The following CELF2 variants were observed in gnomAD, a reference collection of about 807,000 sequenced individuals.
The protein encoded by CELF2 is CUG triplet repeat RNA-binding protein 2.
A neutral mutation model predicts 62.6 loss-of-function variants in CELF2; 8 were observed. The observed-to-expected ratio is 0.13, with a 90% confidence interval of 0.07 to 0.23. The LOEUF is 0.23. Ranked by LOEUF, CELF2 falls within the 10% of genes least tolerant of loss-of-function variation. The pLI is 1.00. For missense variants in CELF2, 333 were observed against 671.0 expected (o/e 0.50, Z 5.56); for synonymous variants, 258 against 250.0 (o/e 1.03, Z -0.30).
At chr10:11,257,057 A>C (rs1256457551) in intron 4 of CELF2, among the ~76,000 whole-genome samples, 1 of 152,030 alleles carries the variant, frequency 6.6e-6, no homozygotes, top group Non-Finnish European at 1.5e-5. Context: ...GCGGTAACTA[A>C]CCTGGCTGCT....
chr10:10,919,957 C>T (rs1224589073), intron 1 of CELF2: 2 of 1,231,166 alleles, frequency 1.6e-6, no homozygotes, highest in East Asian at 6.3e-5. Context: ...TTTTCTCCTT[C>T]CTGCAGAGAG....
chr10:10,961,882 T>G (rs2049542909), intron 2 of CELF2, among the ~76,000 whole-genome samples: 1 of 152,186 alleles, frequency 6.6e-6, no homozygotes, highest in Non-Finnish European at 1.5e-5. Flanking sequence ...AGATCTTTTT[T>G]TCCCACCTAA....
At chr10:11,272,715 C>T (rs912912534) in intron 7 of CELF2, among the ~76,000 whole-genome samples, 4 of 152,226 alleles carry the variant, frequency 2.6e-5, no homozygotes, top group Non-Finnish European at 5.9e-5. Context: ...TTGTCCTACT[C>T]CCTTTCAGCT....
At chr10:10,796,976 G>A (rs879277280), upstream of CELF2, 62 of 743,778 alleles carry the variant, frequency 8.3e-5, no homozygotes, top group Middle Eastern at 1.4e-3. Context: ...AGCCATTAGG[G>A]AAAGTATCCA....
chr10:10,808,178 TGA>T (rs2055438801), intron 1 of CELF2, among the ~76,000 whole-genome samples: 1 of 152,222 alleles, frequency 6.6e-6, no homozygotes, highest in Admixed American at 6.5e-5. Context: ...GCTGGAATTA[TGA>T]CTGACGACAT....
At position 10,872,148 on chromosome 10, in the gene CELF2, A is replaced by G. The variant is rs147136954; in HGVS notation, c.54-47816A>G. Among the ~76,000 whole-genome samples the G allele has an allele frequency of 4.3e-4, 66 of 152,184 alleles. No individual in the cohort carries two copies. In the East Asian group the frequency reaches 0.012, roughly 27 times the overall value. On this transcript the variant is annotated intron_variant, in intron 1 of 13. Transcript: ENST00000636488. ...TTCCCCATGTGGGTATTTGCAAACT[A>G]TGTAGACTATGGTTGGAATCTTTTT...
At chr10:10,815,533 C>A (rs543160282) in intron 1 of CELF2, among the ~76,000 whole-genome samples, 50 of 152,254 alleles carry the variant, frequency 3.3e-4, no homozygotes, top group African/African-American at 9.6e-4. Context: ...AGAAGACAGG[C>A]AGCAAATGTG....
At chr10:10,748,918 A>T in the CELF2 span, among the ~76,000 whole-genome samples, 1 of 152,160 alleles carries the variant, frequency 6.6e-6, no homozygotes, top group East Asian at 1.9e-4. Flanking sequence ...TAAAGGAAGC[A>T]ATAGGGTTTG....
At chr10:11,130,292 C>T (rs572430743) in intron 1 of CELF2, among the ~76,000 whole-genome samples, 2 of 152,148 alleles carry the variant, frequency 1.3e-5, no homozygotes, top group Non-Finnish European at 2.9e-5. Flanking sequence ...TTACTTTGTG[C>T]CAGCATTGTT....
At position 11,038,847 on chromosome 10, in the gene CELF2, C is replaced by T. The variant is rs1201999430; in HGVS notation, c.74+20684C>T. ...ACTGTGATAATTATTTTAAGTTATA[C>T]TGATTGGATTCATGTTTATTAAAAC... On this transcript the variant is annotated intron_variant, in intron 1 of 12. Coordinates refer to ENST00000633077, the MANE Select transcript of CELF2 (RefSeq NM_001326342.2). Among the ~76,000 whole-genome samples, 5 of 152,276 alleles carry T rather than the reference C, an allele frequency of 3.3e-5. No homozygotes were observed. In the East Asian group the frequency reaches 9.6e-4, roughly 29 times the overall value.
At chr10:10,693,602 G>A in the CELF2 span, among the ~76,000 whole-genome samples, 1 of 150,784 alleles carries the variant, frequency 6.6e-6, no homozygotes, top group East Asian at 1.9e-4. Context: ...GTTCCTCCTT[G>A]TACCTCTGGT....
the CELF2 span, among the ~76,000 whole-genome samples, chr10:10,756,719 C>T: frequency 6.6e-6 from 1 of 152,016 alleles, no homozygotes; most frequent in Admixed American, 6.6e-5. Context: ...TCACTCTATT[C>T]CATTCATTTG....
chr10:11,030,867 T>C (rs1366526054), intron 1 of CELF2: 1 of 152,222 alleles, frequency 6.6e-6, no homozygotes, highest in Non-Finnish European at 1.5e-5. Flanking sequence ...GTAAGAGACA[T>C]GTCAGTGGAT....
the CELF2 span, among the ~76,000 whole-genome samples, chr10:10,653,313 C>G: frequency 0.15 from 23,053 of 149,194 alleles, 1,911 homozygotes; most frequent in South Asian, 0.23. Flanking sequence ...ATCAACGAGA[C>G]AGAAAGTCAA....
chr10:10,798,869 C>T (rs190564451), intron 1 of CELF2: 266 of 398,960 alleles, frequency 6.7e-4, no homozygotes, highest in African/African-American at 5.1e-3. Context: ...ATAGCCAAGG[C>T]CCTGCTCCCG....
At chr10:11,174,961 C>T (rs1198403891) in intron 2 of CELF2, among the ~76,000 whole-genome samples, 6 of 152,178 alleles carry the variant, frequency 3.9e-5, no homozygotes, top group Admixed American at 3.9e-4. Flanking sequence ...CCCTACTAAA[C>T]ATTCTGTGTA....
intron 2 of CELF2, among the ~76,000 whole-genome samples, chr10:10,973,434 G>T (rs1365726769): frequency 2.6e-5 from 4 of 152,124 alleles, no homozygotes; most frequent in Non-Finnish European, 4.4e-5. Context: ...TTTTTAGAGT[G>T]TTATACCCCT....
At chr10:10,479,396 T>C in the CELF2 span, among the ~76,000 whole-genome samples, 1 of 152,176 alleles carries the variant, frequency 6.6e-6, no homozygotes, top group South Asian at 2.1e-4. Context: ...CTCGACCTCC[T>C]GACCTCGTGA....
chr10:10,960,671 G>T (rs1045998490), intron 2 of CELF2, among the ~76,000 whole-genome samples: 2 of 152,220 alleles, frequency 1.3e-5, no homozygotes, highest in African/African-American at 4.8e-5. Context: ...ATTAAACAGA[G>T]TATTTGATTT....
Sources: gnomAD v4.1 joint callset for allele counts (sites outside exome capture counted in the v4.1 genomes callset) on GRCh38, gnomAD v4.1.1 for gene constraint, MANE v1.5 for transcripts, NCBI Gene and HGNC (gene_info 2026-07-23, HGNC 2026-07-21) for gene names.